Variants in AUTS2 observed in about 807,000 individuals in gnomAD.
AUTS2 encodes autism susceptibility gene 2 protein.
Under a neutral mutation model 112.4 loss-of-function variants are expected in AUTS2, and 17 were observed. The ratio of observed to expected loss-of-function variants is 0.15; its 90% CI spans 0.10 to 0.23. The LOEUF is 0.23. AUTS2 is among the 10% of genes least tolerant of loss of function. The pLI is 1.00. For synonymous variants in AUTS2, 751 were observed against 702.7 expected (o/e 1.07, Z -1.09); for missense variants, 1,510 against 1,701.6 (o/e 0.89, Z 1.98).
At chr7:70,479,714 T>C (rs745453292) in intron 5 of AUTS2, among the ~76,000 whole-genome samples, 2 of 152,158 alleles carry the variant, frequency 1.3e-5, no homozygotes, top group Non-Finnish European at 2.9e-5. Context: ...CCTCCGGAAC[T>C]CTTCTTCAGT....
chr7:70,180,978 T>C (rs912489714), intron 4 of AUTS2, among the ~76,000 whole-genome samples: 4 of 152,242 alleles, frequency 2.6e-5, no homozygotes, highest in African/African-American at 9.6e-5. Flanking sequence ...GAATTTGCTA[T>C]TTATGTTACT....
chr7:69,655,508 A>G (rs780810165), intron 1 of AUTS2, among the ~76,000 whole-genome samples: 7 of 152,220 alleles, frequency 4.6e-5, no homozygotes, highest in Non-Finnish European at 1.0e-4. Flanking sequence ...GGCCCACCCC[A>G]GACCTACTGA....
chr7:70,124,856 C>A lies in AUTS2; in HGVS notation c.624+6623C>A, dbSNP rs111987552. 3.3e-4 allele frequency among the ~76,000 whole-genome samples: 51 copies of A among 152,298 alleles called. 2 individuals carry two copies. Among genetic ancestry groups the A allele is most frequent in the African/African-American group, 1.1e-3 (47 of 41,574 alleles). On this transcript the variant is annotated intron_variant, in intron 3 of 18. Transcript: ENST00000342771. ...GATTGCAGGCGTGAGCCACCGCGCC[C>A]AGCCCAGCTTCAGTCTTCTTTAATG...
chr7:70,117,112 TTTTTG>T (rs1348639277), intron 2 of AUTS2, among the ~76,000 whole-genome samples: 2 of 97,038 alleles, frequency 2.1e-5, no homozygotes, highest in African/African-American at 5.1e-5. Context: ...TTGTTTTTTT[TTTTTG>T]TTTTTTTTTG....
At chr7:69,632,092 G>A (rs1228349086) in intron 1 of AUTS2, among the ~76,000 whole-genome samples, 1 of 152,160 alleles carries the variant, frequency 6.6e-6, no homozygotes, top group Non-Finnish European at 1.5e-5. Context: ...ATTTACTTTG[G>A]TATAGTTCCT....
At chr7:70,695,126 TGCGGCGGCCGGGCCG>T (rs933248380) in intron 5 of AUTS2, 4 of 152,200 alleles carry the variant, frequency 2.6e-5, no homozygotes, top group African/African-American at 9.7e-5. Flanking sequence ...GGTCTTTTGT[TGCGGCGGCCGGGCCG>T]GCGGGCAGGG....
chr7:70,257,598 G>A (rs556236811), intron 4 of AUTS2, among the ~76,000 whole-genome samples: 2 of 151,834 alleles, frequency 1.3e-5, no homozygotes, highest in African/African-American at 4.8e-5. Context: ...GATTACAGGT[G>A]TGAGCCACTG....
At chr7:70,389,575 CA>C (rs146802546) in intron 4 of AUTS2, among the ~76,000 whole-genome samples, 2,940 of 152,250 alleles carry the variant, frequency 0.019, 113 homozygotes, top group African/African-American at 0.067. Flanking sequence ...TGCCTCCAAA[CA>C]GCCAAATGGA....
chr7:69,805,361 TG>T (rs1262999237), intron 1 of AUTS2, among the ~76,000 whole-genome samples: 1 of 152,132 alleles, frequency 6.6e-6, no homozygotes, highest in East Asian at 1.9e-4. Context: ...CAAACTGCCA[TG>T]GGGGAGGATA....
chr7:70,185,052 T>G (rs890156266), intron 4 of AUTS2, among the ~76,000 whole-genome samples: 3 of 152,102 alleles, frequency 2.0e-5, no homozygotes, highest in Non-Finnish European at 4.4e-5. Context: ...ATTTTAAACT[T>G]CTTGAAGTAA....
rs377213132 is a variant in AUTS2, at chr7:70,006,944, T to A, written c.522+107446T>A. Among the ~76,000 whole-genome samples the A allele has an allele frequency of 3.3e-5, 5 of 152,314 alleles. No individual in the cohort carries two copies. The East Asian group carries it at 7.7e-4, about 23-fold the overall frequency. ...TTTCTGATCAAGATTTCTCTGTACA[T>A]TGAATCCAGGATGGGAGTTGCTCTT... On this transcript the variant is annotated intron_variant, in intron 2 of 18. Coordinates refer to ENST00000342771, the MANE Select transcript of AUTS2 (RefSeq NM_015570.4).
chr7:69,890,753 G>C lies in AUTS2; in HGVS notation c.310-8533G>C, dbSNP rs759631313. On this transcript the variant is annotated intron_variant, in intron 1 of 18. Coordinates refer to ENST00000342771, the MANE Select transcript of AUTS2 (RefSeq NM_015570.4). ...CTGAAAATGAGGTGAAGGCCAGGCA[G>C]TGCTCCTCAGTCAAGACATTCGTGT... 8.2e-4 allele frequency among the ~76,000 whole-genome samples: 125 copies of C among 152,004 alleles called. 1 individual carries two copies. The highest frequency in any genetic ancestry group is 1.1e-3 in the Non-Finnish European group (76 of 67,952).
At chr7:70,001,446 A>G (rs78996854) in intron 2 of AUTS2, among the ~76,000 whole-genome samples, 3,712 of 152,140 alleles carry the variant, frequency 0.024, 150 homozygotes, top group African/African-American at 0.082. Flanking sequence ...GATAAAGACT[A>G]TAAAGGGAAG....
In AUTS2 at chr7:70,451,481, A is replaced by G. The variant is rs564227962; in HGVS notation, c.690+15700A>G. Among the ~76,000 whole-genome samples, 15 of 152,168 alleles carry G rather than the reference A, an allele frequency of 9.9e-5. No individual in the cohort carries two copies. In the South Asian group the frequency reaches 3.1e-3, roughly 32 times the overall value. The stretch of plus-strand genomic sequence containing the variant: ...TCTTTATTTTTTCATTTGTGGCAAA[A>G]TACACATAACATAAAATTTACCATC... On this transcript the variant is annotated intron_variant, in intron 5 of 18. Coordinates refer to ENST00000342771, the MANE Select transcript of AUTS2 (RefSeq NM_015570.4).
intron 2 of AUTS2, among the ~76,000 whole-genome samples, chr7:69,966,574 T>C (rs1246985609): frequency 6.6e-6 from 1 of 152,194 alleles, no homozygotes; most frequent in East Asian, 1.9e-4. Context: ...GTCTTAATTA[T>C]TTTGTATTTG....
chr7:70,275,963 G>A (rs965678660), intron 4 of AUTS2, among the ~76,000 whole-genome samples: 4 of 152,082 alleles, frequency 2.6e-5, no homozygotes, highest in African/African-American at 9.7e-5. Flanking sequence ...ATACAGACAC[G>A]CACACATTCT....
At chr7:70,441,993 T>A (rs546878816) in intron 5 of AUTS2, among the ~76,000 whole-genome samples, 1 of 152,178 alleles carries the variant, frequency 6.6e-6, no homozygotes, top group South Asian at 2.1e-4. Context: ...CCCTCATTGT[T>A]GCTTGTGGAA....
chr7:69,607,035 G>A (rs925784252), intron 1 of AUTS2, among the ~76,000 whole-genome samples: 8 of 152,178 alleles, frequency 5.3e-5, no homozygotes, highest in African/African-American at 1.7e-4. Context: ...CATACTGTGA[G>A]GTCACAAAGA....
chr7:70,019,669 A>G (rs1347186519), intron 2 of AUTS2, among the ~76,000 whole-genome samples: 1 of 152,200 alleles, frequency 6.6e-6, no homozygotes, highest in Non-Finnish European at 1.5e-5. Flanking sequence ...TCTCTGCCCT[A>G]AACCATAACA....
Sources: allele counts gnomAD v4.1 joint callset (sites outside exome capture counted in the v4.1 genomes callset), GRCh38; gene constraint gnomAD v4.1.1; transcripts MANE v1.5; gene names NCBI Gene and HGNC (gene_info 2026-07-23, HGNC 2026-07-21).